LNPEP: variants seen among roughly 807,000 people sequenced by gnomAD.
LNPEP encodes the protein leucyl-cystinyl aminopeptidase.
In LNPEP, 64 loss-of-function variants were observed where a neutral mutation model predicts 120.6. That is an observed-to-expected ratio of 0.53 (90% CI 0.43 to 0.65). The LOEUF (loss-of-function observed/expected upper bound fraction) is 0.65, where lower values mean the gene tolerates loss of function less well. Among genes scored for constraint, LNPEP ranks in the 30% least tolerant of loss-of-function variants. The pLI, the probability that LNPEP is intolerant of heterozygous loss-of-function variation, is 0.00. For missense variants in LNPEP, 1,057 were observed against 1,200.0 expected (o/e 0.88, Z 1.76); for synonymous variants, 435 against 425.4 (o/e 1.02, Z -0.28).
chr5:96,994,058 CTTT>C, intron 6 of LNPEP, 87 bp downstream of exon 6: 2 of 861,378 alleles, frequency 2.3e-6, no homozygotes, highest in Middle Eastern at 2.6e-4. Flanking sequence ...GCTAATAATT[CTTT>C]TTTTTTTTAA....
intron 1 of LNPEP, among the ~76,000 whole-genome samples, chr5:96,947,824 T>C (rs577331544): frequency 6.6e-6 from 1 of 152,268 alleles, no homozygotes; most frequent in East Asian, 1.9e-4. Flanking sequence ...AAAAAAAATC[T>C]TGGGAGATGA....
At chr5:96,963,234 A>G (rs942335502) in intron 1 of LNPEP, among the ~76,000 whole-genome samples, 3 of 152,236 alleles carry the variant, frequency 2.0e-5, no homozygotes, top group African/African-American at 7.2e-5. Flanking sequence ...TTGTGATAAT[A>G]GTGTAGTGAT....
intron 8 of LNPEP, 43 bp from the exon 9 acceptor site, chr5:97,003,371 AT>A: frequency 2.8e-6 from 3 of 1,081,428 alleles, no homozygotes; most frequent in Non-Finnish European, 4.0e-6. Flanking sequence ...AATCTATAGT[AT>A]TCTATTATTT....
At chr5:97,010,249 A>G (rs1790893402) in intron 11 of LNPEP, 1 of 955,936 alleles carries the variant, frequency 1.0e-6, no homozygotes, top group Non-Finnish European at 1.2e-6. Flanking sequence ...ATCTTTAACT[A>G]TAGGAGATTT....
intron 1 of LNPEP, among the ~76,000 whole-genome samples, chr5:96,954,770 ATATT>A (rs535127095): frequency 0.11 from 3,148 of 29,450 alleles, 897 homozygotes; most frequent in Non-Finnish European, 0.15. Flanking sequence ...ATATATATAT[ATATT>A]TTTTTTTTTT....
chr5:96,979,256 T>C lies in LNPEP; in HGVS notation c.138T>C (p.Tyr46=), dbSNP rs1460738383. ...CTCTAGAGCCTGATGAGGTGGAATA[T>C]GAGCCCCGGGGTTCCCGACTGCTGG... ...LHPLEPDEVE[Y]EPRGSRLLVR... The change falls in exon 2 of 18, where the codon TAT becomes TAC. Residue 46 remains tyrosine (Y), a synonymous_variant. Transcript: ENST00000231368. 5 of 1,613,820 alleles carry C rather than the reference T, an allele frequency of 3.1e-6. No homozygotes were observed. The highest frequency in any genetic ancestry group is 4.2e-6 in the Non-Finnish European group (5 of 1,179,868).
intron 4 of LNPEP, among the ~76,000 whole-genome samples, chr5:96,987,758 T>A (rs1023571837): frequency 6.6e-6 from 1 of 152,230 alleles, no homozygotes; most frequent in African/African-American, 2.4e-5. Context: ...TGAAAGACTT[T>A]ATGTCAAGGA....
chr5:97,011,269 A>G, intron 11 of LNPEP: 1 of 852,718 alleles, frequency 1.2e-6, no homozygotes, highest in Non-Finnish European at 1.4e-6. Flanking sequence ...TCTGTCACCC[A>G]GGCTAAGGTA....
At chr5:97,016,858 GT>G (rs1241019608) in intron 13 of LNPEP, among the ~76,000 whole-genome samples, 1 of 152,140 alleles carries the variant, frequency 6.6e-6, no homozygotes, top group Non-Finnish European at 1.5e-5. Flanking sequence ...ACTTTCTAGT[GT>G]TAGTGTAGTA....
At chr5:97,009,828 A>AT (rs1375656027) in intron 11 of LNPEP, among the ~76,000 whole-genome samples, 1 of 152,104 alleles carries the variant, frequency 6.6e-6, no homozygotes, top group Non-Finnish European at 1.5e-5. Flanking sequence ...ATTTAACTGC[A>AT]TTTTTATTTT....
chr5:97,008,930 G>A (rs1790860134), intron 11 of LNPEP, among the ~76,000 whole-genome samples: 1 of 152,040 alleles, frequency 6.6e-6, no homozygotes, highest in African/African-American at 2.4e-5. Flanking sequence ...GGGATTACAA[G>A]CGTGAGCCAC....
chr5:97,024,268 C>T (rs958333714), intron 14 of LNPEP, among the ~76,000 whole-genome samples: 3 of 152,176 alleles, frequency 2.0e-5, no homozygotes, highest in African/African-American at 7.2e-5. Context: ...TTTCCGCTCC[C>T]TAGTGTCCAG....
intron 9 of LNPEP, among the ~76,000 whole-genome samples, chr5:97,005,594 T>C (rs59959433): frequency 0.025 from 3,757 of 152,246 alleles, 158 homozygotes; most frequent in African/African-American, 0.086. Flanking sequence ...GAGACTATCA[T>C]TGTGGAGGTG....
intron 1 of LNPEP, among the ~76,000 whole-genome samples, chr5:96,939,162 G>C (rs906887592): frequency 6.6e-6 from 1 of 151,374 alleles, no homozygotes; most frequent in South Asian, 2.1e-4. Flanking sequence ...CTCAGAATCT[G>C]ATTAAGGAGG....
intron 1 of LNPEP, among the ~76,000 whole-genome samples, chr5:96,947,767 A>T (rs1361482558): frequency 1.3e-5 from 2 of 152,218 alleles, no homozygotes; most frequent in African/African-American, 2.4e-5. Flanking sequence ...GATAGCAACC[A>T]GAAAACTAAA....
Position 96,998,086 on chromosome 5 carries a change from T to A in LNPEP, c.1594T>A (p.Ser532Thr). Residue 532 changes from serine to threonine, a missense_variant, in exon 8 of 18, where the codon TCA becomes ACA. Physicochemically the swap from Ser to Thr is moderately conservative, Grantham distance 58 (BLOSUM62 1). Transcript: ENST00000231368. ...CTTAAATTCATCTCATCCAATATCA[T>A]CATCTGTTCAGTCTTCAGAACAAAT... is the stretch of plus-strand genomic sequence containing the variant. Reference protein sequence around the residue: ...DSLNSSHPISSSVQSSEQIEE... With the variant: ...DSLNSSHPISTSVQSSEQIEE... 6.3e-7 allele frequency: 1 copy of A among 1,587,244 alleles called. No homozygotes were observed. The highest frequency in any genetic ancestry group is 8.6e-7 in the Non-Finnish European group (1 of 1,159,116).
intron 1 of LNPEP, chr5:96,943,084 TA>T: frequency 3.2e-6 from 1 of 311,440 alleles, no homozygotes; most frequent in Non-Finnish European, 6.0e-6. Context: ...TGAGAATCCA[TA>T]AGTGACTCAT....
chr5:97,027,639 T>A (rs527844841), intron 16 of LNPEP, 94 bp from the exon 17 acceptor site: 12 of 767,040 alleles, frequency 1.6e-5, no homozygotes, highest in Middle Eastern at 2.3e-4. Flanking sequence ...GATTCCACTC[T>A]GGCTTTGGCA....
chr5:96,958,899 G>T (rs1411649692), intron 1 of LNPEP: 1 of 147,802 alleles, frequency 6.8e-6, no homozygotes, highest in Non-Finnish European at 1.5e-5. Context: ...CACGATCTCG[G>T]CTCACTGCAA....
Sources: gnomAD v4.1 joint callset for allele counts (sites outside exome capture counted in the v4.1 genomes callset) on GRCh38, gnomAD v4.1.1 for gene constraint, MANE v1.5 for transcripts, NCBI Gene and HGNC (gene_info 2026-07-23, HGNC 2026-07-21) for gene names.